Variants in ZFHX3 observed in about 807,000 individuals in gnomAD.
ZFHX3 encodes the protein zinc finger homeobox 3.
ZFHX3 carries 42 observed loss-of-function variants against 279.1 expected under a neutral mutation model. The observed-to-expected ratio is 0.15, with a 90% confidence interval of 0.12 to 0.19. ZFHX3 has a LOEUF of 0.19. ZFHX3 is among the 10% of genes least tolerant of loss of function. The pLI is 1.00. For synonymous variants in ZFHX3, 2,293 were observed against 1,957.8 expected (o/e 1.17, Z -4.52); for missense variants, 4,981 against 4,754.0 (o/e 1.05, Z -1.40).
intron 2 of ZFHX3, among the ~76,000 whole-genome samples, chr16:73,594,465 A>C (rs1303214992): frequency 1.3e-5 from 2 of 152,224 alleles, no homozygotes; most frequent in Non-Finnish European, 2.9e-5. Context: ...TATTAGTGCA[A>C]ATTTACAAGA....
intron 1 of ZFHX3, among the ~76,000 whole-genome samples, chr16:73,764,769 C>G (rs550164687): frequency 6.6e-6 from 1 of 152,180 alleles, no homozygotes; most frequent in Admixed American, 6.5e-5. Flanking sequence ...CACGTAGACA[C>G]AAACCAGTGA....
intron 2 of ZFHX3, among the ~76,000 whole-genome samples, chr16:73,663,716 G>A (rs2052808017): frequency 6.6e-6 from 1 of 152,176 alleles, no homozygotes; most frequent in Non-Finnish European, 1.5e-5. Context: ...GAATGCATCT[G>A]GGGAAGCGTA....
At chr16:73,544,572 C>G (rs983885800) in intron 2 of ZFHX3, among the ~76,000 whole-genome samples, 1 of 151,998 alleles carries the variant, frequency 6.6e-6, no homozygotes, top group Non-Finnish European at 1.5e-5. Context: ...CCAGAAACCT[C>G]GAGGGAAAGA....
intron 4 of ZFHX3, among the ~76,000 whole-genome samples, chr16:73,257,964 A>C (rs1028847817): frequency 1.9e-4 from 29 of 152,144 alleles, no homozygotes; most frequent in Non-Finnish European, 2.9e-5. Flanking sequence ...TGCACTGTAA[A>C]ATGTTTAGCA....
rs182349464 is a variant in ZFHX3, at chr16:73,573,665, T to A, written c.-1547+106515A>T. On this transcript the variant is annotated intron_variant, in intron 2 of 17. Coordinates refer to the ZFHX3 transcript ENST00000641206. ...GATGATTTAATTTATTAAATTATAT[T>A]AACCTATGTTAATACAGATGCTGTA... Among the ~76,000 whole-genome samples the A allele has an allele frequency of 4.6e-4, 70 of 152,360 alleles. No homozygotes were observed. In the South Asian group the frequency reaches 5.2e-3, roughly 11 times the overall value.
chr16:73,173,274 T>C (rs1967582613), intron 5 of ZFHX3, among the ~76,000 whole-genome samples: 1 of 152,110 alleles, frequency 6.6e-6, no homozygotes, highest in Non-Finnish European at 1.5e-5. Flanking sequence ...GAAGGACTTT[T>C]GTACTTTTTC....
At chr16:73,655,399 A>T (rs2142169808) in intron 2 of ZFHX3, among the ~76,000 whole-genome samples, 1 of 152,356 alleles carries the variant, frequency 6.6e-6, no homozygotes, top group South Asian at 2.1e-4. Flanking sequence ...AAACTAATCT[A>T]GTAATTATTA....
At chr16:73,595,333 G>T (rs1488994489) in intron 2 of ZFHX3, among the ~76,000 whole-genome samples, 1 of 152,126 alleles carries the variant, frequency 6.6e-6, no homozygotes, top group Admixed American at 6.5e-5. Flanking sequence ...GTGTACCAAG[G>T]ACTGCTTGCT....
chr16:73,040,349 G>T (rs531320103), intron 1 of ZFHX3, among the ~76,000 whole-genome samples: 1 of 152,180 alleles, frequency 6.6e-6, no homozygotes, highest in African/African-American at 2.4e-5. Flanking sequence ...CGAGCAGGAG[G>T]GGGTAGAGGG....
chr16:73,114,670 C>A (rs1177278760), intron 7 of ZFHX3, among the ~76,000 whole-genome samples: 2 of 151,964 alleles, frequency 1.3e-5, no homozygotes, highest in African/African-American at 4.8e-5. Flanking sequence ...CACAGTGAGA[C>A]CCTGTCTCAA....
intron 5 of ZFHX3, among the ~76,000 whole-genome samples, chr16:73,164,572 T>A (rs1432042214): frequency 6.6e-6 from 1 of 152,080 alleles, no homozygotes; most frequent in African/African-American, 2.4e-5. Context: ...CAGTGGCATA[T>A]GCCTGTAATC....
At chr16:72,982,942 C>G (rs1479627746) in intron 1 of ZFHX3, among the ~76,000 whole-genome samples, 1 of 152,212 alleles carries the variant, frequency 6.6e-6, no homozygotes, top group Non-Finnish European at 1.5e-5. Flanking sequence ...CATGTCAACG[C>G]AGAGTTCAGG....
At position 72,829,869 on chromosome 16, in the gene ZFHX3, A is replaced by G; in HGVS notation, c.3449-10T>C. On this transcript the variant is annotated splice_polypyrimidine_tract_variant and intron_variant, in intron 4 of 9. Coordinates refer to ENST00000268489, the MANE Select transcript of ZFHX3 (RefSeq NM_006885.4). ...TCTTCAATGGCTTCTTCTGAAACAG[A>G]AGAAAAACATGTCAAGGGTTAAAAA... 6.2e-7 allele frequency: 1 copy of G among 1,614,122 alleles called. No homozygotes were observed. The highest frequency in any genetic ancestry group is 8.5e-7 in the Non-Finnish European group (1 of 1,179,982).
chr16:73,331,981 G>A (rs979717629), intron 3 of ZFHX3, among the ~76,000 whole-genome samples: 1 of 152,026 alleles, frequency 6.6e-6, no homozygotes, highest in East Asian at 1.9e-4. Flanking sequence ...CAAGGCAGAA[G>A]AAAAAAAGAA....
chr16:73,090,738 A>C (rs1443886153), intron 8 of ZFHX3, among the ~76,000 whole-genome samples: 28 of 151,324 alleles, frequency 1.9e-4, no homozygotes, highest in Admixed American at 1.1e-3. Flanking sequence ...AAAAAAAAAA[A>C]CAAAACAAAA....
At chr16:73,238,097 G>A (rs561771479) in intron 5 of ZFHX3, among the ~76,000 whole-genome samples, 1 of 152,124 alleles carries the variant, frequency 6.6e-6, no homozygotes, top group Admixed American at 6.5e-5. Flanking sequence ...GTCATACCTG[G>A]CATCATTCTA....
chr16:73,303,809 A>G (rs73585682), intron 4 of ZFHX3, among the ~76,000 whole-genome samples: 13,382 of 151,936 alleles, frequency 0.088, 645 homozygotes, highest in Non-Finnish European at 0.1. Context: ...CCAAGCCACC[A>G]ACAGGAGGCC....
intron 1 of ZFHX3, among the ~76,000 whole-genome samples, chr16:73,735,323 G>A (rs1377072764): frequency 7.4e-6 from 1 of 135,442 alleles, no homozygotes; most frequent in Non-Finnish European, 1.6e-5. Flanking sequence ...TATGTTTCTT[G>A]TTGGTTAAAC....
chr16:72,930,567 T>A (rs185851975), intron 3 of ZFHX3, among the ~76,000 whole-genome samples: 11 of 152,146 alleles, frequency 7.2e-5, no homozygotes, highest in African/African-American at 2.4e-4. Context: ...ATGGCAAGGA[T>A]GCTTCAGAAA....
Sources: allele counts gnomAD v4.1 joint callset (sites outside exome capture counted in the v4.1 genomes callset), GRCh38; gene constraint gnomAD v4.1.1; transcripts MANE v1.5; gene names NCBI Gene and HGNC (gene_info 2026-07-23, HGNC 2026-07-21).